ARHGEF28: variants seen among roughly 807,000 people sequenced by gnomAD.
ARHGEF28 encodes 190 kDa guanine nucleotide exchange factor.
A neutral mutation model predicts 206.6 loss-of-function variants in ARHGEF28; 152 were observed. The observed-to-expected ratio is 0.74, with a 90% CI of 0.64 to 0.84. ARHGEF28 has a LOEUF of 0.84. Among genes scored for constraint, ARHGEF28 ranks in the 40% least tolerant of loss-of-function variants. The pLI is 0.00. For synonymous variants in ARHGEF28, 763 were observed against 776.4 expected (o/e 0.98, Z 0.29); for missense variants, 2,028 against 2,073.2 (o/e 0.98, Z 0.42).
chr5:73,848,604 G>A (rs898518249), intron 12 of ARHGEF28, among the ~76,000 whole-genome samples: 19 of 150,806 alleles, frequency 1.3e-4, no homozygotes, highest in African/African-American at 4.4e-4. Flanking sequence ...ATAGAATTTT[G>A]TTAGAGGGCT....
intron 4 of ARHGEF28, among the ~76,000 whole-genome samples, chr5:73,754,887 TTTTA>T (rs146201724): frequency 0.33 from 49,349 of 149,526 alleles, 8,999 homozygotes; most frequent in African/African-American, 0.48. Context: ...TTTATTTTTA[TTTTA>T]TTTATTTATT....
intron 2 of ARHGEF28, among the ~76,000 whole-genome samples, chr5:73,709,205 TTACA>T (rs1222265033): frequency 3.9e-5 from 6 of 152,340 alleles, no homozygotes; most frequent in African/African-American, 1.4e-4. Context: ...TTTTAAAATG[TTACA>T]TACAGCAAAA....
chr5:73,884,976 C>T (rs1270908893), intron 24 of ARHGEF28, among the ~76,000 whole-genome samples: 1 of 151,944 alleles, frequency 6.6e-6, no homozygotes, highest in Non-Finnish European at 1.5e-5. Flanking sequence ...GAAGAAAATT[C>T]ATTTTTTCTT....
At chr5:73,709,693 C>T (rs1234694271) in intron 2 of ARHGEF28, among the ~76,000 whole-genome samples, 2 of 152,118 alleles carry the variant, frequency 1.3e-5, no homozygotes, top group Non-Finnish European at 2.9e-5. Flanking sequence ...GTATGACTGC[C>T]CTCAGCATTC....
intron 1 of ARHGEF28, among the ~76,000 whole-genome samples, chr5:73,674,654 C>CA (rs1239245396): frequency 2.6e-5 from 4 of 152,158 alleles, no homozygotes; most frequent in African/African-American, 7.2e-5. Context: ...TCAGGATAGG[C>CA]ACTGGTCACA....
intron 17 of ARHGEF28, 92 bp downstream of exon 17, chr5:73,864,964 T>A (rs1759621425): frequency 8.6e-7 from 1 of 1,165,632 alleles, no homozygotes; most frequent in Non-Finnish European, 1.2e-6. Context: ...CCATCTAGAT[T>A]TATTTCTAAA....
intron 35 of ARHGEF28, among the ~76,000 whole-genome samples, chr5:73,924,905 A>G (rs1206512248): frequency 6.6e-6 from 1 of 152,140 alleles, no homozygotes; most frequent in East Asian, 1.9e-4. Flanking sequence ...TGGAAAAAAC[A>G]CTGATGTCAG....
At chr5:73,738,248 G>T (rs1751137468) in intron 2 of ARHGEF28, among the ~76,000 whole-genome samples, 1 of 152,170 alleles carries the variant, frequency 6.6e-6, no homozygotes, top group South Asian at 2.1e-4. Flanking sequence ...TCGATGGAAG[G>T]TGACCACCAG....
chr5:73,720,805 A>G (rs1749893622), intron 2 of ARHGEF28, among the ~76,000 whole-genome samples: 1 of 152,202 alleles, frequency 6.6e-6, no homozygotes, highest in Non-Finnish European at 1.5e-5. Flanking sequence ...TTGACATCCA[A>G]ACAACCCCAC....
chr5:73,693,045 G>C (rs1360189995), intron 2 of ARHGEF28, among the ~76,000 whole-genome samples: 1 of 152,248 alleles, frequency 6.6e-6, no homozygotes, highest in Non-Finnish European at 1.5e-5. Context: ...TAGTCTCCAA[G>C]AGGGAGATTG....
At chr5:73,748,621 C>A (rs1382245365) in intron 2 of ARHGEF28, among the ~76,000 whole-genome samples, 1 of 152,128 alleles carries the variant, frequency 6.6e-6, no homozygotes, top group African/African-American at 2.4e-5. Flanking sequence ...TGTTCACTTT[C>A]TCCTCTATCA....
intron 1 of ARHGEF28, among the ~76,000 whole-genome samples, chr5:73,638,253 A>G (rs1462396500): frequency 1.3e-5 from 2 of 152,340 alleles, no homozygotes; most frequent in East Asian, 3.9e-4. Context: ...AGAAAAGATG[A>G]TTCCTTTATA....
chr5:73,794,560 C>A, intron 8 of ARHGEF28, 106 bp downstream of exon 8: 2 of 916,936 alleles, frequency 2.2e-6, no homozygotes, highest in Non-Finnish European at 3.3e-6. Flanking sequence ...AAAGGATGTG[C>A]CCCAAGTCAC....
intron 1 of ARHGEF28, among the ~76,000 whole-genome samples, chr5:73,682,002 T>C (rs1747136544): frequency 1.3e-5 from 2 of 152,160 alleles, no homozygotes; most frequent in African/African-American, 4.8e-5. Context: ...GAGGATTGCT[T>C]GAGCCCAGGA....
intron 1 of ARHGEF28, among the ~76,000 whole-genome samples, chr5:73,678,763 A>T (rs545662568): frequency 4.3e-4 from 66 of 152,254 alleles, no homozygotes; most frequent in African/African-American, 1.5e-3. Context: ...CTCACTTTTT[A>T]GGTGCAGATC....
rs183925144 is a variant in ARHGEF28 at position 73,717,609 on chromosome 5, C to A, written c.34-32228C>A. Among the ~76,000 whole-genome samples, 69 of 152,270 alleles carry A rather than the reference C, an allele frequency of 4.5e-4. 1 individual carries two copies. The highest frequency in any genetic ancestry group is 6.8e-3 in the Middle Eastern group (2 of 294). On this transcript the variant is annotated intron_variant, in intron 2 of 35. Transcript: ENST00000513042. The stretch of plus-strand genomic sequence containing the variant: ...TTTTTATTTGTTACTGAAAGTTCAT[C>A]ATTTGTTACTACTTTCATTTATTCA...
chr5:73,801,375 A>T (rs924787554), intron 9 of ARHGEF28, among the ~76,000 whole-genome samples: 22 of 152,246 alleles, frequency 1.4e-4, no homozygotes, highest in Admixed American at 1.3e-3. Flanking sequence ...TGAACCCGGG[A>T]GGCAGAGCTT....
intron 7 of ARHGEF28, among the ~76,000 whole-genome samples, chr5:73,785,952 G>A (rs989255971): frequency 4.0e-5 from 6 of 150,930 alleles, no homozygotes; most frequent in African/African-American, 1.5e-4. Flanking sequence ...ATTCAGGCTG[G>A]ACAGGTGGAC....
rs1054417642 is a variant in ARHGEF28, at chr5:73,771,271, G to A, written c.476-2584G>A. ...TAGAAATTCCATCCGGGCTGGGTGC[G>A]GTGGCTCATGCCTGTAATCCCAGCA... On this transcript the variant is annotated intron_variant, in intron 4 of 35. Coordinates refer to ENST00000513042, the MANE Select transcript of ARHGEF28 (RefSeq NM_001177693.2). 2.0e-5 allele frequency among the ~76,000 whole-genome samples: 3 copies of A among 152,290 alleles called. No individual in the cohort carries two copies. In the South Asian group the frequency reaches 6.2e-4, roughly 32 times the overall value.
Sources: allele counts gnomAD v4.1 joint callset (sites outside exome capture counted in the v4.1 genomes callset), GRCh38; gene constraint gnomAD v4.1.1; transcripts MANE v1.5; gene names NCBI Gene and HGNC (gene_info 2026-07-23, HGNC 2026-07-21).